FOXP1: variants seen among roughly 807,000 people sequenced by gnomAD.
FOXP1 encodes the protein forkhead box protein P1.
Under a neutral mutation model 98.2 loss-of-function variants are expected in FOXP1, and 15 were observed. The ratio of observed to expected loss-of-function variants is 0.15; its 90% CI spans 0.10 to 0.24. FOXP1 has a LOEUF of 0.24. Among genes scored for constraint, FOXP1 ranks in the 10% least tolerant of loss-of-function variants. The pLI, the probability that FOXP1 is intolerant of heterozygous loss-of-function variation, is 1.00. For missense variants in FOXP1, 633 were observed against 848.5 expected, an observed-to-expected ratio of 0.75 and a Z score of 3.15; for synonymous variants, 371 against 314.5, an observed-to-expected ratio of 1.18 and a Z score of -1.90.
At chr3:71,538,919 T>G (rs956178126) in intron 2 of FOXP1, among the ~76,000 whole-genome samples, 1 of 152,102 alleles carries the variant, frequency 6.6e-6, no homozygotes, top group African/African-American at 2.4e-5. Flanking sequence ...CATCATCTGT[T>G]AAGAAGACTA....
chr3:71,222,832 C>T (rs1319125754), intron 5 of FOXP1, among the ~76,000 whole-genome samples: 1 of 152,162 alleles, frequency 6.6e-6, no homozygotes, highest in Non-Finnish European at 1.5e-5. Flanking sequence ...CTCTCCTTTA[C>T]CGATTATTTC....
intron 3 of FOXP1, among the ~76,000 whole-genome samples, chr3:71,427,297 G>A (rs370090322): frequency 1.3e-5 from 2 of 152,208 alleles, no homozygotes; most frequent in East Asian, 1.9e-4. Flanking sequence ...GATACAAAAC[G>A]GAGAAGGGAG....
At chr3:71,343,349 T>A (rs1327928108) in intron 4 of FOXP1, among the ~76,000 whole-genome samples, 2 of 152,120 alleles carry the variant, frequency 1.3e-5, no homozygotes, top group Non-Finnish European at 2.9e-5. Context: ...TTTCCAACAG[T>A]CAAATGACTC....
At chr3:71,443,868 C>T (rs1040483149) in intron 3 of FOXP1, among the ~76,000 whole-genome samples, 7 of 152,088 alleles carry the variant, frequency 4.6e-5, no homozygotes, top group African/African-American at 1.7e-4. Context: ...ACCAAAATAA[C>T]CTCTTCAACA....
chr3:70,960,502 C>A (rs535695252), intron 20 of FOXP1, among the ~76,000 whole-genome samples: 2 of 152,206 alleles, frequency 1.3e-5, no homozygotes, highest in African/African-American at 4.8e-5. Flanking sequence ...TACAACTGAT[C>A]CTTTGCATAT....
At chr3:71,235,587 A>G (rs893651573) in intron 5 of FOXP1, among the ~76,000 whole-genome samples, 20 of 151,950 alleles carry the variant, frequency 1.3e-4, no homozygotes, top group Admixed American at 8.5e-4. Flanking sequence ...TTTCTCTTGA[A>G]ATGGAGTCTC....
intron 5 of FOXP1, among the ~76,000 whole-genome samples, chr3:71,237,734 T>C (rs965375317): frequency 3.3e-5 from 5 of 152,216 alleles, no homozygotes; most frequent in African/African-American, 9.7e-5. Flanking sequence ...TACGTGTACA[T>C]GGGGATATGT....
Position 71,569,814 on chromosome 3 carries a change from G to C in FOXP1, c.-298+11735C>G, listed in dbSNP as rs373832324. On this transcript the variant is annotated intron_variant, in intron 2 of 20. Coordinates refer to ENST00000649528, the MANE Select transcript of FOXP1 (RefSeq NM_001349338.3). ...TTTTTTTTTTTTGAGACGGAGTCTC[G>C]CTCTGTCGCCCAGGCTGGAGTCCAG... Among the ~76,000 whole-genome samples the C allele has an allele frequency of 1.1e-4, 16 of 147,508 alleles. 1 individual carries two copies. The highest frequency in any genetic ancestry group is 1.0e-3 in the Admixed American group (15 of 14,716).
chr3:71,152,560 A>C (rs1348184881), intron 6 of FOXP1, among the ~76,000 whole-genome samples: 1 of 152,148 alleles, frequency 6.6e-6, no homozygotes, highest in East Asian at 1.9e-4. Flanking sequence ...GGAGGCCCCC[A>C]GCGTGTGGGG....
At chr3:71,534,827 ACTCT>A (rs897731033) in intron 2 of FOXP1, among the ~76,000 whole-genome samples, 16 of 151,780 alleles carry the variant, frequency 1.1e-4, no homozygotes, top group Non-Finnish European at 1.6e-4. Context: ...TTGTTCCAAG[ACTCT>A]CTCTTATTTT....
chr3:71,197,878 A>G, intron 6 of FOXP1: 1 of 1,613,952 alleles, frequency 6.2e-7, no homozygotes, highest in Non-Finnish European at 8.5e-7. Flanking sequence ...AGCAGTGGGA[A>G]CCATTTCTCC....
rs1420319238 is a variant in FOXP1, at chr3:70,966,067, C to T, written c.1723-11G>A. Reference sequence around the variant, plus strand: ...CTCAGCCATTGAAGCCTGTCATCAACCAAGAGAAAATTTATGAAGACACAG... The same window carrying T: ...CTCAGCCATTGAAGCCTGTCATCAATCAAGAGAAAATTTATGAAGACACAG... On this transcript the variant is annotated splice_polypyrimidine_tract_variant and intron_variant, in intron 19 of 20. Coordinates refer to ENST00000649528, the MANE Select transcript of FOXP1 (RefSeq NM_001349338.3). 3 of 1,613,440 alleles carry T rather than the reference C, an allele frequency of 1.9e-6. No individual in the cohort carries two copies. The highest frequency in any genetic ancestry group is 2.5e-6 in the Non-Finnish European group (3 of 1,179,516).
At chr3:70,965,391 T>C (rs2034531740) in intron 20 of FOXP1, among the ~76,000 whole-genome samples, 1 of 152,234 alleles carries the variant, frequency 6.6e-6, no homozygotes. Flanking sequence ...TTCCTTTTGA[T>C]ATTTTAAGAG....
chr3:71,267,350 G>C (rs1484928759), intron 5 of FOXP1, among the ~76,000 whole-genome samples: 3 of 152,078 alleles, frequency 2.0e-5, no homozygotes, highest in African/African-American at 4.8e-5. Flanking sequence ...GTATACAGTA[G>C]ATCCAGATGG....
intron 6 of FOXP1, among the ~76,000 whole-genome samples, chr3:71,144,770 GCA>G (rs2108021266): frequency 6.6e-6 from 1 of 152,138 alleles, no homozygotes; most frequent in African/African-American, 2.4e-5. Flanking sequence ...ATAATCACCA[GCA>G]CAGTCGGGAT....
In FOXP1 at chr3:71,198,299, T is replaced by C. The variant is rs2108381662; in HGVS notation, c.83A>G (p.Glu28Gly). The stretch of plus-strand genomic sequence containing the variant: ...CCGCCCCTCCCGAAGACCGCCGCAC[T>C]CTAGTAAGTGGTTGCTGCCGCCCGA... ...NGSGGSNHLL[E>G]CGGLREGRSN... is the part of the protein sequence containing the mutation. The change falls in exon 6 of 21, where the codon GAG becomes GGG. Residue 28 changes from glutamate to glycine, a missense_variant. Transcript: ENST00000649528. 1 of 1,614,098 alleles carries C rather than the reference T, an allele frequency of 6.2e-7. No homozygotes were observed. The highest frequency in any genetic ancestry group is 8.5e-7 in the Non-Finnish European group (1 of 1,180,052).
At chr3:71,072,329 C>CAATGAATG (rs1247220645) in intron 7 of FOXP1, among the ~76,000 whole-genome samples, 1 of 151,980 alleles carries the variant, frequency 6.6e-6, no homozygotes, top group African/African-American at 2.4e-5. Context: ...CCCATCTCTA[C>CAATGAATG]AATGAATGAA....
intron 14 of FOXP1, among the ~76,000 whole-genome samples, chr3:70,980,865 G>GGACT (rs1408952942): frequency 1.3e-5 from 2 of 152,172 alleles, no homozygotes; most frequent in Admixed American, 6.5e-5. Flanking sequence ...GCAGTTCTGA[G>GGACT]GACTGACTAT....
intron 4 of FOXP1, among the ~76,000 whole-genome samples, chr3:71,327,870 A>G (rs1258386453): frequency 6.6e-6 from 1 of 152,204 alleles, no homozygotes; most frequent in Non-Finnish European, 1.5e-5. Flanking sequence ...AATAAGGCGC[A>G]TATAAATGTC....
Sources: gnomAD v4.1 joint callset for allele counts (sites outside exome capture counted in the v4.1 genomes callset) on GRCh38, gnomAD v4.1.1 for gene constraint, MANE v1.5 for transcripts, NCBI Gene and HGNC (gene_info 2026-07-23, HGNC 2026-07-21) for gene names.